The following GPHN variants were observed in gnomAD, a reference collection of about 807,000 sequenced individuals.
GPHN encodes gephyrin.
GPHN carries 17 observed loss-of-function variants against 95.5 expected under a neutral mutation model. The ratio of observed to expected loss-of-function variants is 0.18; its 90% CI spans 0.12 to 0.27. The LOEUF is 0.27. GPHN is among the 10% of genes least tolerant of loss of function. GPHN has a pLI of 1.00. For missense variants in GPHN, 660 were observed against 978.1 expected, an observed-to-expected ratio of 0.67 and a Z score of 4.34; for synonymous variants, 320 against 322.5, an observed-to-expected ratio of 0.99 and a Z score of 0.08.
the GPHN span, among the ~76,000 whole-genome samples, chr14:67,496,170 C>CA: frequency 9.2e-5 from 14 of 152,208 alleles, no homozygotes; most frequent in Non-Finnish European, 2.9e-5. Flanking sequence ...GCCTGGGTGA[C>CA]AGAGTGTGAC....
chr14:66,693,263 A>G (rs1178227785), intron 2 of GPHN, among the ~76,000 whole-genome samples: 2 of 152,162 alleles, frequency 1.3e-5, no homozygotes, highest in African/African-American at 4.8e-5. Context: ...TGCTTGGAAC[A>G]ATTATGTAAC....
At chr14:66,976,745 G>A (rs1206029008) in intron 9 of GPHN, among the ~76,000 whole-genome samples, 1 of 151,980 alleles carries the variant, frequency 6.6e-6, no homozygotes, top group African/African-American at 2.4e-5. Flanking sequence ...TGTTCTTAAG[G>A]AGCTTATAGT....
At chr14:66,943,246 A>T (rs1042671325) in intron 8 of GPHN, among the ~76,000 whole-genome samples, 1 of 152,210 alleles carries the variant, frequency 6.6e-6, no homozygotes, top group Admixed American at 6.5e-5. Context: ...TACTAAAAAC[A>T]CATCTTATTA....
intron 1 of GPHN, among the ~76,000 whole-genome samples, chr14:66,653,997 A>C (rs887195785): frequency 6.6e-6 from 1 of 152,214 alleles, no homozygotes; most frequent in Non-Finnish European, 1.5e-5. Context: ...ATAACTGCTA[A>C]AATGTATGCA....
At chr14:67,577,858 CTTTTAGT>C in the GPHN span, among the ~76,000 whole-genome samples, 1 of 152,116 alleles carries the variant, frequency 6.6e-6, no homozygotes, top group African/African-American at 2.4e-5. Context: ...CCCATAGCCC[CTTTTAGT>C]AAGCAGAGAT....
the GPHN span, among the ~76,000 whole-genome samples, chr14:67,243,667 A>ATT: frequency 1.5e-5 from 2 of 134,542 alleles, no homozygotes; most frequent in East Asian, 2.2e-4. Flanking sequence ...AATTTTTTGT[A>ATT]TTTTTTTTTT....
the GPHN span, among the ~76,000 whole-genome samples, chr14:67,394,878 A>AAGCATGTT: frequency 1.3e-5 from 2 of 152,150 alleles, no homozygotes; most frequent in Non-Finnish European, 2.9e-5. Context: ...AGATCGGAGC[A>AAGCATGTT]AGCATGTTAG....
chr14:67,692,234 G>A, the GPHN span: 6 of 567,316 alleles, frequency 1.1e-5, no homozygotes, highest in East Asian at 3.2e-5. Context: ...CTGCTATGAC[G>A]TTTTGAATTC....
At chr14:67,593,655 T>C in the GPHN span, 1 of 737,580 alleles carries the variant, frequency 1.4e-6, no homozygotes, top group East Asian at 2.5e-5. Flanking sequence ...AGTCTCACTT[T>C]TACGGTTTTA....
chr14:66,508,806 C>T (rs2057901135), intron 1 of GPHN, among the ~76,000 whole-genome samples: 1 of 152,168 alleles, frequency 6.6e-6, no homozygotes, highest in African/African-American at 2.4e-5. Flanking sequence ...GGGTCGACCC[C>T]GTGGGATGTT....
chr14:67,124,538 A>G (rs1234806040), intron 17 of GPHN, among the ~76,000 whole-genome samples: 1 of 152,346 alleles, frequency 6.6e-6, no homozygotes, highest in South Asian at 2.1e-4. Context: ...TCCTATCCAG[A>G]TACAGCTTTT....
At chr14:67,490,919 T>C in the GPHN span, among the ~76,000 whole-genome samples, 1 of 152,104 alleles carries the variant, frequency 6.6e-6, no homozygotes, top group Non-Finnish European at 1.5e-5. Flanking sequence ...ATGCCCCCCA[T>C]ATCTGGTCAC....
At chr14:67,649,205 A>G in the GPHN span, 1 of 152,100 alleles carries the variant, frequency 6.6e-6, no homozygotes, top group African/African-American at 2.4e-5. Context: ...CTTTGTTCCT[A>G]TGCTACAATA....
chr14:67,070,715 A>AAATATATATATATAT, intron 11 of GPHN, among the ~76,000 whole-genome samples: 3 of 80,702 alleles, frequency 3.7e-5, no homozygotes, highest in Non-Finnish European at 5.6e-5. Flanking sequence ...AAAAAAAAAA[A>AAATATATATATATAT]ATATATATAT....
At chr14:67,150,464 A>AAC (rs1555503627) in intron 18 of GPHN, among the ~76,000 whole-genome samples, 5 of 136,206 alleles carry the variant, frequency 3.7e-5, no homozygotes, top group East Asian at 2.0e-4. Flanking sequence ...AAAAAAAAAA[A>AAC]AAAAAAAAAC....
At chr14:66,613,397 A>G (rs1188201370) in intron 1 of GPHN, among the ~76,000 whole-genome samples, 1 of 152,092 alleles carries the variant, frequency 6.6e-6, no homozygotes, top group Non-Finnish European at 1.5e-5. Flanking sequence ...ATTCTACACA[A>G]CAAAATCACC....
At chr14:67,260,993 C>G in the GPHN span, among the ~76,000 whole-genome samples, 1 of 152,150 alleles carries the variant, frequency 6.6e-6, no homozygotes, top group South Asian at 2.1e-4. Flanking sequence ...GTCAAGCAGA[C>G]TCCAGGCCCT....
the GPHN span, chr14:67,241,504 C>T: frequency 1.3e-5 from 2 of 151,878 alleles, no homozygotes; most frequent in African/African-American, 2.4e-5. Flanking sequence ...GCGGCCGGGG[C>T]GGGAGGCTCC....
At chr14:67,562,994 G>C in the GPHN span, 1 of 1,250,240 alleles carries the variant, frequency 8.0e-7, no homozygotes, top group Non-Finnish European at 1.1e-6. Context: ...GAGGCTGCTG[G>C]CATCCTCATG....
Sources: gnomAD v4.1 joint callset for allele counts (sites outside exome capture counted in the v4.1 genomes callset) on GRCh38, gnomAD v4.1.1 for gene constraint, MANE v1.5 for transcripts, NCBI Gene and HGNC (gene_info 2026-07-23, HGNC 2026-07-21) for gene names.